DNM2: variants seen among roughly 807,000 people sequenced by gnomAD.
DNM2 encodes the protein dynamin-2.
In DNM2, 15 loss-of-function variants were observed where a neutral mutation model predicts 99.0. The ratio of observed to expected loss-of-function variants is 0.15; its 90% confidence interval spans 0.10 to 0.23. The LOEUF (loss-of-function observed/expected upper bound fraction) is 0.23, where lower values mean the gene tolerates loss of function less well. DNM2 is among the 10% of genes least tolerant of loss of function. The probability of loss-of-function intolerance (pLI) is 1.00; values close to 1 mark genes in which losing one functional copy is unlikely to be tolerated. For synonymous variants in DNM2, 525 were observed against 481.2 expected, an observed-to-expected ratio of 1.09 and a Z score of -1.19; for missense variants, 742 against 1,189.4, an observed-to-expected ratio of 0.62 and a Z score of 5.53.
At chr19:10,829,536 T>C (rs907863387) in intron 19 of DNM2, among the ~76,000 whole-genome samples, 1 of 151,962 alleles carries the variant, frequency 6.6e-6, no homozygotes, top group Admixed American at 6.6e-5. Context: ...ACAGCCCAAA[T>C]GGAAGCTGGG....
chr19:10,744,204 C>T (rs1286444881), intron 1 of DNM2, among the ~76,000 whole-genome samples: 1 of 151,984 alleles, frequency 6.6e-6, no homozygotes, highest in Non-Finnish European at 1.5e-5. Flanking sequence ...TGTGATCTGA[C>T]TTGCAGTTTT....
At chr19:10,718,575 C>G in intron 1 of DNM2, 172 bp downstream of exon 1, 1 of 998,442 alleles carries the variant, frequency 1.0e-6, no homozygotes, top group Non-Finnish European at 1.3e-6. Context: ...GCAGAGGACT[C>G]CCTGCAGGGG....
intron 1 of DNM2, among the ~76,000 whole-genome samples, chr19:10,748,727 G>A (rs1599471096): frequency 6.6e-6 from 1 of 152,328 alleles, no homozygotes; most frequent in East Asian, 1.9e-4. Context: ...TCCTGAGACT[G>A]AACCTCAGTC....
intron 2 of DNM2, among the ~76,000 whole-genome samples, chr19:10,766,572 C>G (rs1179709110): frequency 6.6e-6 from 1 of 151,906 alleles, no homozygotes; most frequent in Non-Finnish European, 1.5e-5. Flanking sequence ...AGCACAGATT[C>G]TTTTTTCATG....
Position 10,759,816 on chromosome 19 carries a change from A to G in DNM2, c.235+5A>G, listed in dbSNP as rs768988793. The stretch of plus-strand genomic sequence containing the variant: ...AGCTCATCTTCTCAAAAACAGGTAA[A>G]ATGGGGCGGCCTGAGGTTCAGCAGG... On this transcript the variant is annotated splice_donor_5th_base_variant and intron_variant, in intron 2 of 20. Coordinates refer to ENST00000389253, the MANE Select transcript of DNM2 (RefSeq NM_001005361.3). The G allele has an allele frequency of 1.2e-6, 2 of 1,613,924 alleles. No individual in the cohort carries two copies. The highest frequency in any genetic ancestry group is 4.5e-5 in the East Asian group (2 of 44,866).
At chr19:10,778,864 G>A (rs889613545) in intron 5 of DNM2, among the ~76,000 whole-genome samples, 2 of 151,828 alleles carry the variant, frequency 1.3e-5, no homozygotes, top group African/African-American at 4.8e-5. Flanking sequence ...TTCAAGTTCA[G>A]GTACAGATCT....
intron 1 of DNM2, among the ~76,000 whole-genome samples, chr19:10,733,957 G>A (rs1390756559): frequency 6.6e-6 from 1 of 151,570 alleles, no homozygotes; most frequent in African/African-American, 2.4e-5. Flanking sequence ...GCAGTGAGCC[G>A]AGATCGCGCC....
intron 2 of DNM2, among the ~76,000 whole-genome samples, chr19:10,766,555 A>C (rs2070802170): frequency 6.6e-6 from 1 of 152,008 alleles, no homozygotes; most frequent in Non-Finnish European, 1.5e-5. Context: ...ATGTCCTCCT[A>C]GGTTAGAGCA....
In DNM2 at chr19:10,820,092, G is replaced by C; in HGVS notation, c.1781+3G>C. 1.2e-6 allele frequency: 2 copies of C among 1,614,136 alleles called. No homozygotes were observed. The highest frequency in any genetic ancestry group is 2.2e-5 in the East Asian group (1 of 44,884). ...GCCATCTTCAACACGGAGCAGAGGT[G>C]AGGGGCCCAGGGGCCTGGGGATGGC... is the stretch of plus-strand genomic sequence containing the variant. On this transcript the variant is annotated splice_donor_region_variant and intron_variant, in intron 16 of 20. Coordinates refer to ENST00000389253, the MANE Select transcript of DNM2 (RefSeq NM_001005361.3). This position sits in a 1 kb window ranked among gnomAD's most constrained non-coding sequence, Gnocchi z 4.3.
At chr19:10,743,673 G>A (rs531808641) in intron 1 of DNM2, among the ~76,000 whole-genome samples, 6 of 152,024 alleles carry the variant, frequency 3.9e-5, no homozygotes, top group East Asian at 1.9e-4. Context: ...AGCCGGGTGT[G>A]GTGGCGGGTG....
chr19:10,802,961 T>C (rs2072206874), intron 12 of DNM2, among the ~76,000 whole-genome samples: 1 of 152,166 alleles, frequency 6.6e-6, no homozygotes, highest in Non-Finnish European at 1.5e-5. Flanking sequence ...ACTCAGATTG[T>C]TGGAGAGGCT....
chr19:10,779,383 C>G (rs1374057923), intron 5 of DNM2, among the ~76,000 whole-genome samples: 1 of 151,620 alleles, frequency 6.6e-6, no homozygotes, highest in Non-Finnish European at 1.5e-5. Context: ...GGTGCATTTG[C>G]TAGAACTGAT....
chr19:10,726,350 C>A (rs770042219), intron 1 of DNM2, among the ~76,000 whole-genome samples: 1 of 152,044 alleles, frequency 6.6e-6, no homozygotes, highest in Non-Finnish European at 1.5e-5. Context: ...TGTGAGCCGC[C>A]GAACCCGGCC....
At chr19:10,791,516 A>G (rs2071751908) in intron 7 of DNM2, among the ~76,000 whole-genome samples, 1 of 152,220 alleles carries the variant, frequency 6.6e-6, no homozygotes, top group Non-Finnish European at 1.5e-5. Flanking sequence ...ACAGGGGGGC[A>G]GGATTCAACC....
At chr19:10,728,128 G>T (rs1193339724) in intron 1 of DNM2, among the ~76,000 whole-genome samples, 4 of 152,170 alleles carry the variant, frequency 2.6e-5, no homozygotes. Flanking sequence ...GTCACCCGTA[G>T]CTTGAACCGG....
chr19:10,734,703 T>C (rs1375963034), intron 1 of DNM2, among the ~76,000 whole-genome samples: 1 of 150,212 alleles, frequency 6.7e-6, no homozygotes, highest in Admixed American at 6.7e-5. Context: ...TTTTCCCATA[T>C]GAGACTAATT....
At chr19:10,771,719 CCT>C (rs2070987020) in intron 2 of DNM2, among the ~76,000 whole-genome samples, 1 of 152,244 alleles carries the variant, frequency 6.6e-6, no homozygotes, top group Admixed American at 6.5e-5. Flanking sequence ...ATGGACTCAC[CCT>C]CTCTGGGTGA....
intron 8 of DNM2, among the ~76,000 whole-genome samples, chr19:10,794,215 A>T (rs2071849461): frequency 6.6e-6 from 1 of 152,216 alleles, no homozygotes; most frequent in Non-Finnish European, 1.5e-5. Flanking sequence ...CATAGCACTG[A>T]GCTGATATAT....
chr19:10,767,437 G>A (rs769973217), intron 2 of DNM2, among the ~76,000 whole-genome samples: 4 of 152,296 alleles, frequency 2.6e-5, no homozygotes, highest in South Asian at 2.1e-4. Context: ...TCAGCCACCC[G>A]TGTAGCTGGA....
Sources: gnomAD v4.1 joint callset for allele counts (sites outside exome capture counted in the v4.1 genomes callset) on GRCh38, gnomAD v4.1.1 for gene constraint, Gnocchi (gnomAD v3.1) non-coding constraint, MANE v1.5 for transcripts, NCBI Gene and HGNC (gene_info 2026-07-23, HGNC 2026-07-21) for gene names.